Variants in EIF1AX observed in about 807,000 individuals in gnomAD.
EIF1AX encodes eukaryotic translation initiation factor 1A X-linked.
Under a neutral mutation model 16.1 loss-of-function variants are expected in EIF1AX, and 1 was observed. That is an observed-to-expected ratio of 0.06 (90% CI 0.02 to 0.30). The LOEUF is 0.30. EIF1AX is among the 10% of genes least tolerant of loss of function. The pLI, the probability that EIF1AX is intolerant of heterozygous loss-of-function variation, is 1.00. For synonymous variants in EIF1AX, 32 were observed against 37.3 expected, an observed-to-expected ratio of 0.86 and a Z score of 0.51; for missense variants, 11 against 109.1, an observed-to-expected ratio of 0.10 and a Z score of 4.00.
chrX:20,132,515 C>T (rs2067004286), intron 4 of EIF1AX, among the ~76,000 whole-genome samples: 1 of 111,747 alleles, frequency 8.9e-6, no homozygotes, highest in African/African-American at 3.3e-5. Context: ...AAGAGCAGAA[C>T]TGTGCATACC....
Position 20,140,775 on chromosome X carries a change from T to C in EIF1AX, c.16+850A>G, listed in dbSNP as rs940706442. 3.6e-5 allele frequency among the ~76,000 whole-genome samples: 4 copies of C among 112,100 alleles called. No homozygotes were observed. In the East Asian group the frequency reaches 8.4e-4, roughly 23 times the overall value. On this transcript the variant is annotated intron_variant, in intron 1 of 6. Transcript: ENST00000379607. ...TACTTGCACAATTTTCTTCAAGTTA[T>C]ACGGCTATTAAAAATGACAGGAACA...
intron 6 of EIF1AX, among the ~76,000 whole-genome samples, chrX:20,130,027 C>G (rs954680611): frequency 9.0e-6 from 1 of 111,169 alleles, no homozygotes; most frequent in African/African-American, 3.3e-5. Context: ...TAGGGCCGGG[C>G]ATGGTGGCTC....
At chrX:20,141,564 G>C in intron 1 of EIF1AX, 61 bp downstream of exon 1, 1 of 1,125,021 alleles carries the variant, frequency 8.9e-7, no homozygotes, top group Non-Finnish European at 1.2e-6. Context: ...TGCAATCTAC[G>C]GGCAGGACCT....
In EIF1AX at chrX:20,141,723, C is replaced by G. The variant is rs903378777; in HGVS notation, c.-83G>C. 1.0e-6 allele frequency: 1 copy of G among 984,890 alleles called. No individual in the cohort carries two copies. The allele number at this position is 984,890 out of a possible 1,213,427, so 81.2% of individuals were successfully genotyped here. ...GCGGCTGCTGCTCCGAGGGGCGACA[C>G]GAGGGAGCGCGCGGGACCAAGTAGG... is the stretch of plus-strand genomic sequence containing the variant. On this transcript the variant is annotated 5_prime_UTR_variant, in exon 1 of 7. Coordinates refer to ENST00000379607, the MANE Select transcript of EIF1AX (RefSeq NM_001412.4).
chrX:20,133,375 C>G (rs999143755), intron 4 of EIF1AX, among the ~76,000 whole-genome samples: 2 of 111,407 alleles, frequency 1.8e-5, no homozygotes, highest in African/African-American at 6.5e-5. Flanking sequence ...CTACTACATG[C>G]TAGCAGCACT....
chrX:20,134,510 G>A (rs912799320), intron 3 of EIF1AX, among the ~76,000 whole-genome samples: 2 of 112,099 alleles, frequency 1.8e-5, no homozygotes, highest in African/African-American at 6.5e-5. Flanking sequence ...GGCCGAGGCC[G>A]GCGGGTCACT....
intron 5 of EIF1AX, 24 bp from the exon 6 acceptor site, chrX:20,130,631 C>G: frequency 8.5e-7 from 1 of 1,172,088 alleles, no homozygotes; most frequent in Non-Finnish European, 1.1e-6. Context: ...AAGAAATACT[C>G]ATAAGTCAGC....
At chrX:20,129,758 A>C (rs951105466) in intron 6 of EIF1AX, among the ~76,000 whole-genome samples, 1 of 112,447 alleles carries the variant, frequency 8.9e-6, no homozygotes, top group Non-Finnish European at 1.9e-5. Flanking sequence ...CAAGGCTTTC[A>C]GTGTATGTTG....
chrX:20,132,492 A>C (rs962317156), intron 4 of EIF1AX, among the ~76,000 whole-genome samples: 3 of 111,471 alleles, frequency 2.7e-5, no homozygotes, highest in Admixed American at 9.6e-5. Context: ...AAATATAGAG[A>C]TCTCACTTTA....
chrX:20,136,179 C>T, intron 2 of EIF1AX: 1 of 305,784 alleles, frequency 3.3e-6, no homozygotes, highest in South Asian at 3.2e-5. Context: ...CACCCCCTCA[C>T]CCCCAATCTC....
intron 2 of EIF1AX, chrX:20,136,228 C>T (rs73447108): frequency 8.9e-6 from 3 of 338,721 alleles, no homozygotes; most frequent in South Asian, 5.4e-5. Context: ...AACACGTGTG[C>T]GTGCACACAC....
chrX:20,137,909 T>C (rs2067022185), intron 2 of EIF1AX, among the ~76,000 whole-genome samples: 1 of 109,882 alleles, frequency 9.1e-6, no homozygotes, highest in Non-Finnish European at 1.9e-5. Flanking sequence ...TTCCCAGTAC[T>C]TTGGGAGGTC....
At chrX:20,134,380 T>C (rs2067009621) in intron 3 of EIF1AX, among the ~76,000 whole-genome samples, 1 of 105,742 alleles carries the variant, frequency 9.5e-6, no homozygotes, top group Non-Finnish European at 1.9e-5. Context: ...AGAGTGAGAC[T>C]CCGTCTCAAA....
intron 4 of EIF1AX, among the ~76,000 whole-genome samples, chrX:20,132,923 G>A (rs2067005313): frequency 8.9e-6 from 1 of 111,961 alleles, no homozygotes; most frequent in African/African-American, 3.2e-5. Context: ...CAACTTCAAG[G>A]ACAGTGTGAT....
chrX:20,128,432 G>T, intron 6 of EIF1AX, 121 bp from the exon 7 acceptor site: 1 of 528,692 alleles, frequency 1.9e-6, no homozygotes, highest in Non-Finnish European at 3.0e-6. Context: ...CCAGTTTGAA[G>T]AAGAAATTCC....
chrX:20,136,350 T>C, intron 2 of EIF1AX: 4 of 347,570 alleles, frequency 1.2e-5, no homozygotes, highest in South Asian at 1.1e-4. Flanking sequence ...CGGAAAGCCT[T>C]CTGATGCTCA....
chrX:20,129,264 G>A lies in EIF1AX; in HGVS notation c.430-953C>T, dbSNP rs762402870. 5.4e-5 allele frequency among the ~76,000 whole-genome samples: 6 copies of A among 111,323 alleles called. No homozygotes were observed. In the East Asian group the frequency reaches 1.7e-3, roughly 31 times the overall value. On this transcript the variant is annotated intron_variant, in intron 6 of 6. Transcript: ENST00000379607. Reference sequence around the variant, plus strand: ...CTAGGTATTCCGAAATTCCATCTTTGCATCAAATTTAACGTTATTATGTTA... The same window carrying A: ...CTAGGTATTCCGAAATTCCATCTTTACATCAAATTTAACGTTATTATGTTA...
intron 5 of EIF1AX, among the ~76,000 whole-genome samples, chrX:20,130,994 C>T (rs957934105): frequency 3.6e-5 from 4 of 112,135 alleles, no homozygotes; most frequent in African/African-American, 1.3e-4. Context: ...AACCAGGAAG[C>T]GCTAGTCCTA....
intron 4 of EIF1AX, among the ~76,000 whole-genome samples, chrX:20,133,173 G>A (rs915365971): frequency 2.7e-5 from 3 of 111,572 alleles, no homozygotes; most frequent in African/African-American, 6.5e-5. Context: ...TGGACCCTTG[G>A]TTTCCTTATC....
Sources: allele counts gnomAD v4.1 joint callset (sites outside exome capture counted in the v4.1 genomes callset), GRCh38; gene constraint gnomAD v4.1.1; transcripts MANE v1.5; gene names NCBI Gene and HGNC (gene_info 2026-07-23, HGNC 2026-07-21).